Variants in SRBD1 observed in about 807,000 individuals in gnomAD.
SRBD1 encodes the protein S1 RNA-binding domain-containing protein 1.
A neutral mutation model predicts 115.3 loss-of-function variants in SRBD1; 88 were observed. The observed-to-expected ratio is 0.76, with a 90% CI of 0.64 to 0.91. SRBD1 has a LOEUF of 0.91. Ranked by LOEUF, SRBD1 falls within the 40% of genes least tolerant of loss-of-function variation. SRBD1 has a pLI of 0.00. For missense variants in SRBD1, 1,385 were observed against 1,177.4 expected (o/e 1.18, Z -2.58); for synonymous variants, 509 against 407.7 (o/e 1.25, Z -2.99).
intron 19 of SRBD1, among the ~76,000 whole-genome samples, chr2:45,409,508 C>T (rs1175853157): frequency 2.6e-5 from 2 of 77,992 alleles, no homozygotes; most frequent in African/African-American, 1.0e-4. Context: ...CCGGCCATTG[C>T]AATAGGCAAA....
At chr2:45,494,361 T>C (rs1262807899) in intron 14 of SRBD1, among the ~76,000 whole-genome samples, 1 of 152,130 alleles carries the variant, frequency 6.6e-6, no homozygotes, top group African/African-American at 2.4e-5. Flanking sequence ...CAGGGAATCA[T>C]ATCAGATAAT....
intron 14 of SRBD1, among the ~76,000 whole-genome samples, chr2:45,540,093 A>T (rs1671886521): frequency 6.6e-6 from 1 of 152,240 alleles, no homozygotes; most frequent in Non-Finnish European, 1.5e-5. Context: ...CTGTAACCCC[A>T]GCACTTTGGG....
intron 10 of SRBD1, among the ~76,000 whole-genome samples, chr2:45,557,082 C>T (rs1332948091): frequency 6.6e-6 from 1 of 151,872 alleles, no homozygotes; most frequent in Non-Finnish European, 1.5e-5. Context: ...TATGTAAAAG[C>T]TTAGAGGCAT....
At chr2:45,440,377 T>C (rs1453905191) in intron 16 of SRBD1, among the ~76,000 whole-genome samples, 1 of 152,214 alleles carries the variant, frequency 6.6e-6, no homozygotes, top group East Asian at 1.9e-4. Flanking sequence ...GATAGGGCAA[T>C]ACTGGCTAAG....
chr2:45,417,488 G>A (rs1442899161), intron 18 of SRBD1, among the ~76,000 whole-genome samples: 2 of 152,122 alleles, frequency 1.3e-5, no homozygotes, highest in African/African-American at 4.8e-5. Context: ...GCTTTATAAT[G>A]TATTCTAGTG....
At chr2:45,544,623 T>C (rs1440195650) in intron 14 of SRBD1, among the ~76,000 whole-genome samples, 2 of 152,168 alleles carry the variant, frequency 1.3e-5, no homozygotes, top group African/African-American at 2.4e-5. Context: ...ACAAGTACGA[T>C]AGACATTATT....
chr2:45,586,832 C>G (rs1038913254), intron 4 of SRBD1, among the ~76,000 whole-genome samples: 2 of 145,692 alleles, frequency 1.4e-5, no homozygotes, highest in Non-Finnish European at 3.0e-5. Flanking sequence ...CTGGCATGAA[C>G]CACCGAAACA....
intron 14 of SRBD1, among the ~76,000 whole-genome samples, chr2:45,534,205 G>A (rs576851727): frequency 6.6e-6 from 1 of 151,876 alleles, no homozygotes; most frequent in South Asian, 2.1e-4. Context: ...CATTCCTTAT[G>A]TCTCCTTTCC....
At chr2:45,569,792 T>C (rs1672953457) in intron 9 of SRBD1, among the ~76,000 whole-genome samples, 1 of 152,148 alleles carries the variant, frequency 6.6e-6, no homozygotes, top group Non-Finnish European at 1.5e-5. Context: ...ATTTCTCAAA[T>C]ATAACATACA....
chr2:45,510,656 C>T (rs1365962060), intron 14 of SRBD1, among the ~76,000 whole-genome samples: 17 of 152,214 alleles, frequency 1.1e-4, no homozygotes, highest in Admixed American at 1.1e-3. Context: ...AGACTAAAAT[C>T]GTTTCCCTGA....
At chr2:45,427,376 G>C (rs1379475528) in intron 16 of SRBD1, among the ~76,000 whole-genome samples, 2 of 151,746 alleles carry the variant, frequency 1.3e-5, no homozygotes, top group African/African-American at 4.8e-5. Context: ...GTATTCAGGA[G>C]ACCCATACCA....
intron 10 of SRBD1, among the ~76,000 whole-genome samples, chr2:45,560,823 T>C (rs1672638235): frequency 6.6e-6 from 1 of 151,996 alleles, no homozygotes; most frequent in Non-Finnish European, 1.5e-5. Context: ...AAATGACAAC[T>C]AGCCAGGCAT....
intron 7 of SRBD1, among the ~76,000 whole-genome samples, chr2:45,578,229 A>G (rs973595771): frequency 1.3e-5 from 2 of 152,246 alleles, no homozygotes; most frequent in Non-Finnish European, 2.9e-5. Flanking sequence ...TCAACATTCC[A>G]TTTTAATAAA....
At chr2:45,406,065 T>C (rs1281457347) in intron 19 of SRBD1, among the ~76,000 whole-genome samples, 1 of 152,118 alleles carries the variant, frequency 6.6e-6, no homozygotes, top group Admixed American at 6.5e-5. Context: ...TAAAGCTTTA[T>C]AAAGCTATTA....
At chr2:45,528,628 T>C (rs1221500778) in intron 14 of SRBD1, among the ~76,000 whole-genome samples, 1 of 151,758 alleles carries the variant, frequency 6.6e-6, no homozygotes, top group Non-Finnish European at 1.5e-5. Context: ...GGTGAGAACT[T>C]GAAACTATGT....
chr2:45,489,563 C>T (rs1670229618), intron 14 of SRBD1, among the ~76,000 whole-genome samples: 1 of 152,098 alleles, frequency 6.6e-6, no homozygotes, highest in African/African-American at 2.4e-5. Context: ...AAAAAATAAA[C>T]ACTACAACTG....
At chr2:45,454,709 T>C (rs1283926092) in intron 16 of SRBD1, among the ~76,000 whole-genome samples, 1 of 151,870 alleles carries the variant, frequency 6.6e-6, no homozygotes, top group African/African-American at 2.4e-5. Flanking sequence ...GTTCTTACAA[T>C]GCACGAACAT....
intron 20 of SRBD1, among the ~76,000 whole-genome samples, chr2:45,390,000 T>C (rs72803972): frequency 0.075 from 11,484 of 152,182 alleles, 584 homozygotes; most frequent in Non-Finnish European, 0.12. Flanking sequence ...TTTTGGTTTT[T>C]CCCCCAGTGC....
chr2:45,543,369 G>C (rs73927533), intron 14 of SRBD1, among the ~76,000 whole-genome samples: 135 of 152,274 alleles, frequency 8.9e-4, no homozygotes, highest in African/African-American at 3.0e-3. Flanking sequence ...GGTTTCCTGG[G>C]GTTTATGAAT....
Sources: allele counts gnomAD v4.1 joint callset (sites outside exome capture counted in the v4.1 genomes callset), GRCh38; gene constraint gnomAD v4.1.1; transcripts MANE v1.5; gene names NCBI Gene and HGNC (gene_info 2026-07-23, HGNC 2026-07-21).